Variants in KIDINS220 observed in about 807,000 individuals in gnomAD.
KIDINS220 encodes kinase D interacting substrate 220.
In KIDINS220, 63 loss-of-function variants were observed where a neutral mutation model predicts 157.6. The ratio of observed to expected loss-of-function variants is 0.40; its 90% CI spans 0.33 to 0.49. The LOEUF (loss-of-function observed/expected upper bound fraction) is 0.49, where lower values mean the gene tolerates loss of function less well. Among genes scored for constraint, KIDINS220 ranks in the 20% least tolerant of loss-of-function variants. KIDINS220 has a pLI of 0.66. For synonymous variants in KIDINS220, 732 were observed against 783.6 expected (o/e 0.93, Z 1.10); for missense variants, 1,772 against 2,171.2 (o/e 0.82, Z 3.65).
chr2:8,727,823 T>A (rs1001150503), downstream of KIDINS220, among the ~76,000 whole-genome samples: 1 of 152,270 alleles, frequency 6.6e-6, no homozygotes, highest in Non-Finnish European at 1.5e-5. Context: ...TTATTATGAA[T>A]GCTTAAATTT....
At chr2:8,726,358 C>G (rs1254896156), downstream of KIDINS220, among the ~76,000 whole-genome samples, 1 of 152,196 alleles carries the variant, frequency 6.6e-6, no homozygotes, top group Non-Finnish European at 1.5e-5. Context: ...CCAGTGTAAG[C>G]CAAGGCTGTG....
rs1663952851 is a variant in KIDINS220 at position 8,730,850 on chromosome 2, A to C, written c.5186T>G (p.Leu1729Arg). 1 of 1,614,064 alleles carries C rather than the reference A, an allele frequency of 6.2e-7. No individual in the cohort carries two copies. Among genetic ancestry groups the C allele is most frequent in the Non-Finnish European group, 8.5e-7 (1 of 1,180,058 alleles). Residue 1729 changes from leucine (L) to arginine (R), a missense_variant, in exon 30 of 30, where the codon CTA (leucine) becomes CGA (arginine). Transcript: ENST00000256707. ...GCTTCGCTTATGTGTCATGCTTTTT[A>C]GATTCTCATTCTGAATAGTGGTTGG... The part of the protein sequence containing the change: ...PNPTTIQNEN[L>R]KSMTHKRSQR...
intron 22 of KIDINS220, among the ~76,000 whole-genome samples, chr2:8,753,906 T>TACAGAC (rs771588656): frequency 3.3e-5 from 5 of 152,182 alleles, no homozygotes; most frequent in African/African-American, 7.2e-5. Flanking sequence ...AAGTCCGTTT[T>TACAGAC]ACAGACACAG....
chr2:8,763,587 G>A (rs1669061365), intron 22 of KIDINS220, among the ~76,000 whole-genome samples: 1 of 152,152 alleles, frequency 6.6e-6, no homozygotes, highest in African/African-American at 2.4e-5. Context: ...ATTAGACTGT[G>A]CCCTGCATAT....
At chr2:8,761,590 G>A (rs577246018) in intron 22 of KIDINS220, among the ~76,000 whole-genome samples, 59 of 151,344 alleles carry the variant, frequency 3.9e-4, no homozygotes, top group Non-Finnish European at 7.4e-4. Context: ...GTGATTCTCA[G>A]TGCTGAAAAA....
chr2:8,723,009 A>C (rs1663046797), downstream of KIDINS220: 2 of 152,254 alleles, frequency 1.3e-5, no homozygotes, highest in Non-Finnish European at 2.9e-5. Context: ...AACTGCACAC[A>C]AAGTAAACTT....
At chr2:8,741,939 T>G (rs548641247) in intron 26 of KIDINS220, among the ~76,000 whole-genome samples, 1 of 152,332 alleles carries the variant, frequency 6.6e-6, no homozygotes, top group Admixed American at 6.5e-5. Flanking sequence ...GAGGCTACTG[T>G]GCAAAGTCGC....
chr2:8,831,435 C>T (rs938662257), intron 1 of KIDINS220, among the ~76,000 whole-genome samples: 25 of 152,004 alleles, frequency 1.6e-4, no homozygotes, highest in Non-Finnish European at 1.0e-4. Context: ...ACTTAATGCC[C>T]CCTCTGCTTA....
Position 8,770,829 on chromosome 2 carries a change from C to T in KIDINS220, c.2852G>A (p.Arg951Gln), listed in dbSNP as rs964955051. 2 of 1,581,576 alleles carry T rather than the reference C, an allele frequency of 1.3e-6. No individual in the cohort carries two copies. Among genetic ancestry groups the T allele is most frequent in the Non-Finnish European group, 1.7e-6 (2 of 1,165,302 alleles). ...RLLNIVSVTG[R>Q]LLRANQISFN... ...ACTAATCTGATTGGCTCTCAGTAAT[C>T]GTCCTTTTAAAAAATACAAAAGCAT... Residue 951 changes from arginine (R) to glutamine (Q), a missense_variant, in exon 22 of 30, where the codon CGA (arginine) becomes CAA (glutamine). This residue lies in a region of KIDINS220 where 725 missense variants were observed against 1,017.1 expected (regional missense o/e 0.71). Transcript: ENST00000256707.
rs1327965937 is a variant in KIDINS220 at position 8,747,887 on chromosome 2, T to C, written c.3528A>G (p.Leu1176=). The C allele has an allele frequency of 6.4e-7, 1 of 1,563,406 alleles. No individual in the cohort carries two copies. Among genetic ancestry groups the C allele is most frequent in the Non-Finnish European group, 8.7e-7 (1 of 1,149,008 alleles). ...TTGCGTTACCCTTTTATATACTTAC[T>C]AGGCCATTGTTCTGATCTCTGGGCA... ...TSLPRDQNNG[L]EVIKEDAAEG... The change falls in exon 25 of 30, where the codon CTA becomes CTG. Residue 1176 remains leucine, a splice_region_variant and synonymous_variant. Transcript: ENST00000256707.
At chr2:8,726,046 A>G (rs899473863), downstream of KIDINS220, among the ~76,000 whole-genome samples, 2 of 152,186 alleles carry the variant, frequency 1.3e-5, no homozygotes, top group Non-Finnish European at 2.9e-5. Context: ...GCTTGTCTTT[A>G]TATTACGTAA....
rs776765020 is a variant in KIDINS220 at position 8,806,272 on chromosome 2, G to T, written c.602C>A (p.Ala201Asp). 3 of 1,590,542 alleles carry T rather than the reference G, an allele frequency of 1.9e-6. No homozygotes were observed. The highest frequency in any genetic ancestry group is 1.3e-5 in the African/African-American group (1 of 74,122). The change falls in exon 7 of 30, where the codon GCT (alanine) becomes GAT (aspartate). Residue 201 changes from alanine to aspartate, a missense_variant and splice_region_variant. Around this residue, in one of 3 missense-constraint regions of KIDINS220, gnomAD observed 254 missense variants for 268.6 expected, o/e 0.95. Coordinates refer to ENST00000256707, the MANE Select transcript of KIDINS220 (RefSeq NM_020738.4). Reference sequence around the variant, plus strand: ...AGCATTAAAATATAAGATACTTACAGCTCCTTCTTGATCCACATCAGCTCC... The same window carrying T: ...AGCATTAAAATATAAGATACTTACATCTCCTTCTTGATCCACATCAGCTCC... ...AMGADVDQEGANSMTALIVAV... is the reference protein window; with the variant it reads ...AMGADVDQEGDNSMTALIVAV...
intron 2 of KIDINS220, chr2:8,825,600 C>T (rs1425454424): frequency 1.3e-5 from 2 of 151,944 alleles, no homozygotes; most frequent in African/African-American, 4.8e-5. Flanking sequence ...TACACATACA[C>T]ATATAGTGTA....
At chr2:8,810,475 C>A (rs1676126638) in intron 6 of KIDINS220, among the ~76,000 whole-genome samples, 1 of 152,122 alleles carries the variant, frequency 6.6e-6, no homozygotes, top group South Asian at 2.1e-4. Flanking sequence ...AAAATAAAGG[C>A]TTCTCTATGA....
Position 8,825,514 on chromosome 2 carries a change from A to G in KIDINS220, c.108+1472T>C, listed in dbSNP as rs187380460. ...ATGTGTTTATCACAATAAAAAAATT[A>G]TAAATAAAACTTTTTATATGTCTAC... On this transcript the variant is annotated intron_variant, in intron 2 of 29. Transcript: ENST00000256707. 5.6e-4 allele frequency among the ~76,000 whole-genome samples: 85 copies of G among 152,272 alleles called. 1 individual carries two copies. Among genetic ancestry groups the G allele is most frequent in the Middle Eastern group, 6.8e-3 (2 of 294 alleles).
downstream of KIDINS220, chr2:8,724,341 C>G (rs1261139982): frequency 6.6e-6 from 1 of 152,186 alleles, no homozygotes; most frequent in African/African-American, 2.4e-5. This position sits in a 1 kb window ranked among gnomAD's most constrained non-coding sequence, Gnocchi z 4.6. Context: ...CTCCGTCTCC[C>G]ACGTTCAAGT....
intron 5 of KIDINS220, 142 bp from the exon 6 acceptor site, chr2:8,812,635 C>T: frequency 2.4e-6 from 1 of 413,148 alleles, no homozygotes; most frequent in Admixed American, 4.4e-5. Flanking sequence ...AAGTAAACAT[C>T]AAAGGAAGTA....
At chr2:8,797,635 A>C (rs1402600921) in intron 10 of KIDINS220, among the ~76,000 whole-genome samples, 1 of 152,272 alleles carries the variant, frequency 6.6e-6, no homozygotes, top group East Asian at 1.9e-4. Flanking sequence ...TGCTTTATTC[A>C]TTAAGAATTC....
At chr2:8,794,894 T>C (rs1413083519) in intron 11 of KIDINS220, among the ~76,000 whole-genome samples, 1 of 152,178 alleles carries the variant, frequency 6.6e-6, no homozygotes, top group Non-Finnish European at 1.5e-5. Context: ...TCTCCTCTCA[T>C]GTCCTAAAAA....
Sources: allele counts gnomAD v4.1 joint callset (sites outside exome capture counted in the v4.1 genomes callset), GRCh38; gene constraint gnomAD v4.1.1; regional missense constraint gnomAD v4.1.1; non-coding constraint Gnocchi (gnomAD v3.1); transcripts MANE v1.5; gene names NCBI Gene and HGNC (gene_info 2026-07-23, HGNC 2026-07-21).